Variants in IMPACT observed in about 807,000 individuals in gnomAD.
IMPACT encodes impact RWD domain protein, also known as protein IMPACT.
In IMPACT, 35 loss-of-function variants were observed where a neutral mutation model predicts 47.5. The ratio of observed to expected loss-of-function variants is 0.74; its 90% CI spans 0.56 to 0.98. The LOEUF (loss-of-function observed/expected upper bound fraction) is 0.98. Among genes scored for constraint, IMPACT ranks in the 50% least tolerant of loss-of-function variants. IMPACT has a pLI of 0.00. For missense variants in IMPACT, 373 were observed against 394.8 expected (o/e 0.94, Z 0.47); for synonymous variants, 118 against 125.6 (o/e 0.94, Z 0.40).
chr18:24,443,697 G>A (rs1909175796), intron 7 of IMPACT, among the ~76,000 whole-genome samples: 1 of 152,162 alleles, frequency 6.6e-6, no homozygotes, highest in South Asian at 2.1e-4. Flanking sequence ...GCTAAACCAA[G>A]TCCTCCCTAC....
chr18:24,444,730 A>G (rs1429770275), intron 7 of IMPACT, among the ~76,000 whole-genome samples: 4 of 152,178 alleles, frequency 2.6e-5, no homozygotes, highest in Non-Finnish European at 5.9e-5. Context: ...TTAAATTTGA[A>G]TTTCAGGTAA....
intron 5 of IMPACT, among the ~76,000 whole-genome samples, 154 bp from the exon 6 acceptor site, chr18:24,440,342 C>T (rs1909067419): frequency 6.6e-6 from 1 of 152,218 alleles, no homozygotes; most frequent in Non-Finnish European, 1.5e-5. Flanking sequence ...AGTTTCCTTG[C>T]TCCAACTCAG....
At chr18:24,433,476 G>T (rs1388942443) in intron 4 of IMPACT, among the ~76,000 whole-genome samples, 1 of 150,688 alleles carries the variant, frequency 6.6e-6, no homozygotes, top group Non-Finnish European at 1.5e-5. Flanking sequence ...TGGGATTACA[G>T]GCGTGAGCCA....
At position 24,433,767 on chromosome 18, in the gene IMPACT, T is replaced by C. The variant is rs192763014; in HGVS notation, c.281+3383T>C. On this transcript the variant is annotated intron_variant, in intron 4 of 10. Transcript: ENST00000284202. The stretch of plus-strand genomic sequence containing the variant: ...CTCACTGCAACCTCCGCCTCCCAGG[T>C]TCAAGCAATTCTTGTACCTCAGCCT... Among the ~76,000 whole-genome samples the C allele has an allele frequency of 4.1e-3, 618 of 150,492 alleles. 4 individuals carry two copies. Among genetic ancestry groups the C allele is most frequent in the African/African-American group, 0.014 (567 of 40,818 alleles).
intron 9 of IMPACT, among the ~76,000 whole-genome samples, 167 bp from the exon 10 acceptor site, chr18:24,449,652 T>A (rs1909328159): frequency 6.6e-6 from 1 of 152,188 alleles, no homozygotes; most frequent in Non-Finnish European, 1.5e-5. Context: ...CTCCCTGAAT[T>A]GTTAGTAATC....
At chr18:24,446,730 C>T (rs544930179) in intron 8 of IMPACT, among the ~76,000 whole-genome samples, 3 of 152,136 alleles carry the variant, frequency 2.0e-5, no homozygotes, top group Non-Finnish European at 4.4e-5. Context: ...TGTAATTCCC[C>T]TCTTAATAGA....
intron 3 of IMPACT, chr18:24,429,438 C>T (rs1042852320): frequency 6.6e-6 from 1 of 152,430 alleles, no homozygotes; most frequent in Non-Finnish European, 1.5e-5. Context: ...TACCTTGGCC[C>T]CATCACCTAG....
chr18:24,429,659 T>A (rs1030273458), intron 3 of IMPACT: 2 of 152,196 alleles, frequency 1.3e-5, no homozygotes, highest in Non-Finnish European at 2.9e-5. Context: ...GTTTTTTTTG[T>A]GCACATATTT....
intron 7 of IMPACT, among the ~76,000 whole-genome samples, chr18:24,443,795 A>C (rs1909178265): frequency 6.6e-6 from 1 of 152,142 alleles, no homozygotes; most frequent in Non-Finnish European, 1.5e-5. Flanking sequence ...GCCATAAACT[A>C]TTCCTAGGTC....
Position 24,434,793 on chromosome 18 carries a change from ATATG to A in IMPACT, c.282-3160_282-3157del, listed in dbSNP as rs1435220579. On this transcript the variant is annotated intron_variant, in intron 4 of 10. Coordinates refer to ENST00000284202, the MANE Select transcript of IMPACT (RefSeq NM_018439.4). ...AAAAAAAAAATATATATATATATATATATGTGTGTGTGTGTGTATATATATGTGT... is the reference window on the plus strand; with the variant it reads ...AAAAAAAAAATATATATATATATATATGTGTGTGTGTGTATATATATGTGT... Among the ~76,000 whole-genome samples the A allele has an allele frequency of 9.4e-3, 636 of 67,460 alleles. 55 individuals carry two copies. The highest frequency in any genetic ancestry group is 0.023 in the African/African-American group (518 of 22,848). 44.3% of individuals were successfully genotyped at this position (67,460 alleles called of 152,430 possible). A position where few individuals can be genotyped will look rare whatever the true frequency, so the allele number is the denominator to read the frequency against.
In IMPACT at chr18:24,426,731, G is replaced by C; in HGVS notation, c.-26G>C. ...CCGCGCTCCGGACCTGGCAGGCGGCGGCTGCAGGGCAGGTCCAGGGGCCAC... is the reference window on the plus strand; with the variant it reads ...CCGCGCTCCGGACCTGGCAGGCGGCCGCTGCAGGGCAGGTCCAGGGGCCAC... On this transcript the variant is annotated 5_prime_UTR_variant, in exon 1 of 11. Coordinates refer to ENST00000284202, the MANE Select transcript of IMPACT (RefSeq NM_018439.4). 1 of 1,245,654 alleles carries C rather than the reference G, an allele frequency of 8.0e-7. No homozygotes were observed. 77.2% of individuals were successfully genotyped at this position (1,245,654 alleles called of 1,614,324 possible).
At chr18:24,433,530 G>A (rs1157908931) in intron 4 of IMPACT, among the ~76,000 whole-genome samples, 1 of 150,490 alleles carries the variant, frequency 6.6e-6, no homozygotes, top group Non-Finnish European at 1.5e-5. Context: ...GGACTTCACT[G>A]TGTTGCCCAA....
chr18:24,428,468 TAAATG>T (rs1908668896), intron 2 of IMPACT, among the ~76,000 whole-genome samples: 1 of 152,230 alleles, frequency 6.6e-6, no homozygotes, highest in East Asian at 1.9e-4. Flanking sequence ...TAGGATAAAA[TAAATG>T]AAAAGGTCAG....
At chr18:24,426,856 C>T (rs1019621130) in intron 1 of IMPACT, 64 bp downstream of exon 1, 13 of 1,162,132 alleles carry the variant, frequency 1.1e-5, no homozygotes, top group Non-Finnish European at 1.3e-5. Flanking sequence ...CATGCCAGTC[C>T]TCCTCAGCCG....
At chr18:24,432,700 C>T (rs542642544) in intron 4 of IMPACT, among the ~76,000 whole-genome samples, 81 of 151,880 alleles carry the variant, frequency 5.3e-4, no homozygotes, top group African/African-American at 1.9e-3. Context: ...TTTATCTGCC[C>T]CCCCGATCCC....
At chr18:24,427,103 C>T in intron 1 of IMPACT, 2 of 335,250 alleles carry the variant, frequency 6.0e-6, no homozygotes, top group Non-Finnish European at 1.1e-5. Context: ...CTGCCGCCGC[C>T]GAGTCATCTT....
chr18:24,429,807 T>A (rs1355213144), intron 3 of IMPACT, among the ~76,000 whole-genome samples: 1 of 150,066 alleles, frequency 6.7e-6, no homozygotes, highest in South Asian at 2.1e-4. Context: ...TGAGACAGAG[T>A]CCTGCTCTGT....
In IMPACT at chr18:24,426,706, C is replaced by T; in HGVS notation, c.-51C>T. 4.9e-6 allele frequency: 6 copies of T among 1,230,048 alleles called. No homozygotes were observed. Among genetic ancestry groups the T allele is most frequent in the Non-Finnish European group, 6.1e-6 (6 of 982,500 alleles). The allele number at this position is 1,230,048 out of a possible 1,614,324, so 76.2% of individuals were successfully genotyped here. On this transcript the variant is annotated 5_prime_UTR_variant, in exon 1 of 11. Transcript: ENST00000284202. ...GGCTCGCAGCCGCAGCGCCCCGCCC[C>T]CGCGCTCCGGACCTGGCAGGCGGCG...
At chr18:24,426,863 G>A in intron 1 of IMPACT, 71 bp downstream of exon 1, 1 of 1,103,370 alleles carries the variant, frequency 9.1e-7, no homozygotes. Context: ...GTCCTCCTCA[G>A]CCGAGGGGCC....
Sources: gnomAD v4.1 joint callset for allele counts (sites outside exome capture counted in the v4.1 genomes callset) on GRCh38, gnomAD v4.1.1 for gene constraint, MANE v1.5 for transcripts, NCBI Gene and HGNC (gene_info 2026-07-23, HGNC 2026-07-21) for gene names.